MYH15: variants seen among roughly 807,000 people sequenced by gnomAD.
MYH15 encodes the protein myosin-15.
A neutral mutation model predicts 240.5 loss-of-function variants in MYH15; 227 were observed. That is an observed-to-expected ratio of 0.94 (90% confidence interval 0.85 to 1.05). The LOEUF (loss-of-function observed/expected upper bound fraction) is 1.05, where lower values mean the gene tolerates loss of function less well. Ranked by LOEUF, MYH15 falls within the 50% of genes least tolerant of loss-of-function variation. The probability of loss-of-function intolerance (pLI) is 0.00; values close to 1 mark genes in which losing one functional copy is unlikely to be tolerated. For missense variants in MYH15, 2,217 were observed against 2,247.5 expected, an observed-to-expected ratio of 0.99 and a Z score of 0.27; for synonymous variants, 785 against 796.7, an observed-to-expected ratio of 0.99 and a Z score of 0.25.
chr3:108,431,905 T>C (rs1256860836), intron 25 of MYH15, among the ~76,000 whole-genome samples: 3 of 152,186 alleles, frequency 2.0e-5, no homozygotes, highest in Non-Finnish European at 4.4e-5. Context: ...ACTCTTGTTA[T>C]GTTTTAGCAA....
upstream of MYH15, among the ~76,000 whole-genome samples, chr3:108,532,995 A>T (rs2083721603): frequency 6.6e-6 from 1 of 152,152 alleles, no homozygotes; most frequent in Non-Finnish European, 1.5e-5. Context: ...ATAGAATTAA[A>T]TAAGGTTTTC....
chr3:108,393,511 G>T (rs924024436), intron 36 of MYH15, among the ~76,000 whole-genome samples: 1 of 152,148 alleles, frequency 6.6e-6, no homozygotes, highest in African/African-American at 2.4e-5. Flanking sequence ...CATCATTTAG[G>T]AAAATCACTG....
intron 21 of MYH15, among the ~76,000 whole-genome samples, chr3:108,453,311 G>GA (rs975109123): frequency 1.1e-4 from 17 of 152,004 alleles, no homozygotes; most frequent in African/African-American, 4.1e-4. Flanking sequence ...TTTCTCTTGG[G>GA]AAAAAACAGA....
chr3:108,408,370 T>G lies in MYH15; in HGVS notation c.4530A>C (p.Glu1510Asp), dbSNP rs761166970. ...CCATTTCAGTTAAGTTCTTGGTCCC[T>G]TCTCTAACCTGGTTTGTCAGATTAG... is the stretch of plus-strand genomic sequence containing the variant. ...EISNLTNQVR[E>D]GTKNLTEMEK... The change falls in exon 32 of 41, where the codon GAA becomes GAC. Residue 1510 changes from glutamate to aspartate, a missense_variant. Coordinates refer to ENST00000693548, the MANE Select transcript of MYH15 (RefSeq NM_014981.3). The G allele has an allele frequency of 2.5e-6, 4 of 1,612,578 alleles. No homozygotes were observed. Among genetic ancestry groups the G allele is most frequent in the Non-Finnish European group, 3.4e-6 (4 of 1,179,672 alleles).
chr3:108,437,631 C>T lies in MYH15; in HGVS notation c.3144G>A (p.Glu1048=). 6.2e-7 allele frequency: 1 copy of T among 1,614,096 alleles called. No homozygotes were observed. Among genetic ancestry groups the T allele is most frequent in the Non-Finnish European group, 8.5e-7 (1 of 1,179,996 alleles). ...TTTCCCGATTCAGCTTTAAATTGCC[C>T]TCCAGTTTGTGCAGTTCCCTTTCAC... The part of the protein sequence containing the change: ...MNCERELHKL[E]GNLKLNRESM... The change falls in exon 25 of 41, where the codon GAG becomes GAA. Residue 1048 remains glutamate, a synonymous_variant. Coordinates refer to ENST00000693548, the MANE Select transcript of MYH15 (RefSeq NM_014981.3).
intron 22 of MYH15, 84 bp downstream of exon 22, chr3:108,444,556 T>C: frequency 6.8e-7 from 1 of 1,470,292 alleles, no homozygotes; most frequent in East Asian, 2.3e-5. Flanking sequence ...CATCTATTTT[T>C]TTGTTTCCGT....
chr3:108,495,864 T>G lies in MYH15; in HGVS notation c.627A>C (p.Leu209Phe). ...TATTCGCTTGCATGATTTGATCTTC[T>G]AACGCCCCCTGAGACACATGCAAGA... is the stretch of plus-strand genomic sequence containing the variant. The part of the protein sequence containing the change: ...MIESRKKQGA[L>F]EDQIMQANTI... Residue 209 changes from leucine to phenylalanine, a missense_variant, in exon 7 of 41, where the codon TTA (leucine) becomes TTC (phenylalanine). Transcript: ENST00000693548. The G allele has an allele frequency of 6.2e-7, 1 of 1,608,076 alleles. No individual in the cohort carries two copies. Among genetic ancestry groups the G allele is most frequent in the Non-Finnish European group, 8.5e-7 (1 of 1,177,174 alleles).
rs1265593541 is a variant in MYH15 at position 108,451,344 on chromosome 3, C to A, written c.2399+2662G>T. ...GCAGTGACCCGATATCATGCCACTG[C>A]CCTCCAGCCTGGGCGATAGAGAGAG... On this transcript the variant is annotated intron_variant, in intron 21 of 40. Transcript: ENST00000693548. 2.6e-5 allele frequency among the ~76,000 whole-genome samples: 4 copies of A among 152,002 alleles called. 1 individual carries two copies. In the East Asian group the frequency reaches 7.7e-4, roughly 29 times the overall value.
At chr3:108,450,912 A>G (rs1156800506) in intron 21 of MYH15, among the ~76,000 whole-genome samples, 1 of 152,232 alleles carries the variant, frequency 6.6e-6, no homozygotes, top group Admixed American at 6.5e-5. Context: ...TCAGAAATTA[A>G]TGATCTAGAA....
upstream of MYH15, among the ~76,000 whole-genome samples, chr3:108,534,179 G>A (rs926975074): frequency 4.6e-5 from 7 of 152,114 alleles, no homozygotes; most frequent in African/African-American, 1.4e-4. Flanking sequence ...GAATTCTAAT[G>A]AGATGCCTAG....
At chr3:108,460,790 A>T (rs921813674) in intron 16 of MYH15, among the ~76,000 whole-genome samples, 2 of 152,136 alleles carry the variant, frequency 1.3e-5, no homozygotes, top group Non-Finnish European at 1.5e-5. Flanking sequence ...CAAAGCCTAA[A>T]TTTTATATAT....
Position 108,441,111 on chromosome 3 carries a change from G to C in MYH15, c.2805C>G (p.Leu935=). The C allele has an allele frequency of 1.2e-6, 2 of 1,614,040 alleles. No individual in the cohort carries two copies. The highest frequency in any genetic ancestry group is 1.7e-6 in the Non-Finnish European group (2 of 1,179,998). ...NSELTARGRK[L]EDECFELKKE... is the part of the protein sequence containing the mutation. ...TCTTCAACTCAAAACATTCATCTTC[G>C]AGTTTCCGCCCCCTGGCAGTCAGCT... The change falls in exon 23 of 41, where the codon CTC becomes CTG. Residue 935 remains leucine, a synonymous_variant. Coordinates refer to ENST00000693548, the MANE Select transcript of MYH15 (RefSeq NM_014981.3).
intron 29 of MYH15, among the ~76,000 whole-genome samples, chr3:108,415,076 T>G (rs945252992): frequency 1.3e-5 from 2 of 152,190 alleles, no homozygotes; most frequent in African/African-American, 4.8e-5. Context: ...AATATAAATT[T>G]AAATAGTTAC....
chr3:108,459,245 A>C, intron 18 of MYH15, 117 bp downstream of exon 18: 2 of 648,140 alleles, frequency 3.1e-6, no homozygotes, highest in Admixed American at 7.7e-5. Context: ...TCATTTTTCT[A>C]TATGAAATTC....
At chr3:108,422,806 A>AT (rs1161225799) in intron 27 of MYH15, among the ~76,000 whole-genome samples, 2 of 152,138 alleles carry the variant, frequency 1.3e-5, no homozygotes, top group Non-Finnish European at 2.9e-5. Flanking sequence ...TGTTAACCTA[A>AT]TTGTTATGAT....
chr3:108,492,450 T>A, intron 9 of MYH15, 50 bp downstream of exon 9: 1 of 1,377,118 alleles, frequency 7.3e-7, no homozygotes, highest in Non-Finnish European at 1.0e-6. Flanking sequence ...CAAATATGAC[T>A]TATTTTTCTT....
At chr3:108,508,619 G>T (rs926216868) in intron 1 of MYH15, among the ~76,000 whole-genome samples, 3 of 152,168 alleles carry the variant, frequency 2.0e-5, no homozygotes, top group African/African-American at 7.2e-5. Flanking sequence ...ATGAAGAAAA[G>T]AATGTTTTTA....
intron 28 of MYH15, among the ~76,000 whole-genome samples, chr3:108,418,116 C>A (rs1225753871): frequency 6.6e-6 from 1 of 152,108 alleles, no homozygotes; most frequent in Non-Finnish European, 1.5e-5. Flanking sequence ...AAATCATCTG[C>A]CAAACATGTA....
chr3:108,519,597 C>G (rs1447689002), intron 1 of MYH15, among the ~76,000 whole-genome samples: 1 of 152,112 alleles, frequency 6.6e-6, no homozygotes, highest in South Asian at 2.1e-4. Flanking sequence ...AAACTAAGAT[C>G]GAGGGCTATA....
Sources: gnomAD v4.1 joint callset for allele counts (sites outside exome capture counted in the v4.1 genomes callset) on GRCh38, gnomAD v4.1.1 for gene constraint, MANE v1.5 for transcripts, NCBI Gene and HGNC (gene_info 2026-07-23, HGNC 2026-07-21) for gene names.